NBEA: variants seen among roughly 807,000 people sequenced by gnomAD.
The protein encoded by NBEA is neurobeachin.
In NBEA, 44 loss-of-function variants were observed where a neutral mutation model predicts 343.4. The ratio of observed to expected loss-of-function variants is 0.13; its 90% CI spans 0.10 to 0.16. The LOEUF (loss-of-function observed/expected upper bound fraction) is 0.16, where lower values mean the gene tolerates loss of function less well. Ranked by LOEUF, NBEA falls within the 10% of genes least tolerant of loss-of-function variation. NBEA has a pLI of 1.00. For missense variants in NBEA, 2,555 were observed against 3,631.3 expected (o/e 0.70, Z 7.62); for synonymous variants, 1,175 against 1,238.7 (o/e 0.95, Z 1.08).
At chr13:35,103,269 A>G (rs1215024055) in intron 11 of NBEA, among the ~76,000 whole-genome samples, 1 of 151,778 alleles carries the variant, frequency 6.6e-6, no homozygotes, top group East Asian at 1.9e-4. Flanking sequence ...GTCCTTTAAG[A>G]TGGCTCATGT....
chr13:35,402,203 A>G (rs892204472), intron 38 of NBEA, among the ~76,000 whole-genome samples: 2 of 152,040 alleles, frequency 1.3e-5, no homozygotes, highest in Non-Finnish European at 2.9e-5. Flanking sequence ...ATACTTAAAA[A>G]GTTTAAATTA....
chr13:35,100,565 A>G (rs1028995544), intron 11 of NBEA, among the ~76,000 whole-genome samples: 2 of 152,004 alleles, frequency 1.3e-5, no homozygotes, highest in African/African-American at 4.8e-5. Flanking sequence ...TACCCCGTTA[A>G]ATAATTTGCT....
rs2064229167 is a variant in NBEA at position 35,078,653 on chromosome 13, C to T, written c.1571+7801C>T. On this transcript the variant is annotated intron_variant, in intron 10 of 58. Transcript: ENST00000379939. Reference sequence around the variant, plus strand: ...TAGGCAAGGATTTATAATCTTCTTACTGAGATGGAAAAGTCGGTAATTGGG... The same window carrying T: ...TAGGCAAGGATTTATAATCTTCTTATTGAGATGGAAAAGTCGGTAATTGGG... Among the ~76,000 whole-genome samples, 2 of 152,122 alleles carry T rather than the reference C, an allele frequency of 1.3e-5. 1 individual carries two copies. The highest frequency in any genetic ancestry group is 4.1e-4 in the South Asian group (2 of 4,830).
intron 30 of NBEA, among the ~76,000 whole-genome samples, chr13:35,188,317 A>T (rs1168034422): frequency 4.0e-5 from 6 of 151,182 alleles, no homozygotes; most frequent in Non-Finnish European, 7.4e-5. Flanking sequence ...CTGATACATT[A>T]TTAACTATAG....
At chr13:35,044,855 A>G (rs1039850557) in intron 2 of NBEA, 92 bp from the exon 3 acceptor site, 40 of 756,220 alleles carry the variant, frequency 5.3e-5, no homozygotes, top group Non-Finnish European at 4.3e-6. Flanking sequence ...GAGAGAGATA[A>G]CAATGATAAC....
chr13:35,211,312 A>T, intron 33 of NBEA, 133 bp downstream of exon 33: 1 of 805,930 alleles, frequency 1.2e-6, no homozygotes, highest in Non-Finnish European at 1.9e-6. Context: ...CACAATTCTG[A>T]TATTTTTGGC....
intron 35 of NBEA, among the ~76,000 whole-genome samples, chr13:35,305,059 A>G (rs1472397770): frequency 6.6e-6 from 1 of 152,170 alleles, no homozygotes; most frequent in Non-Finnish European, 1.5e-5. Context: ...CACTATAGCC[A>G]TATCACAGTT....
At chr13:34,966,349 G>A (rs2059820683) in intron 1 of NBEA, among the ~76,000 whole-genome samples, 1 of 151,974 alleles carries the variant, frequency 6.6e-6, no homozygotes, top group Non-Finnish European at 1.5e-5. Context: ...CTTCTGTAGC[G>A]AAGTATGTAT....
intron 10 of NBEA, among the ~76,000 whole-genome samples, chr13:35,085,898 A>T (rs1417594748): frequency 1.3e-5 from 2 of 152,182 alleles, no homozygotes; most frequent in African/African-American, 4.8e-5. Context: ...CAGGATACAA[A>T]ATCAATGTGC....
intron 8 of NBEA, among the ~76,000 whole-genome samples, chr13:35,067,043 T>C (rs1488430495): frequency 1.3e-5 from 2 of 152,144 alleles, no homozygotes; most frequent in African/African-American, 4.8e-5. Context: ...TAAATGTTAC[T>C]TCTATAGAGC....
chr13:35,485,536 C>T (rs2152969694), intron 41 of NBEA, among the ~76,000 whole-genome samples: 1 of 152,174 alleles, frequency 6.6e-6, no homozygotes, highest in Middle Eastern at 3.4e-3. Flanking sequence ...CATCGCAAAG[C>T]TTTTCGTAAA....
At chr13:35,151,403 C>T (rs1028272619) in intron 18 of NBEA, among the ~76,000 whole-genome samples, 4 of 151,558 alleles carry the variant, frequency 2.6e-5, no homozygotes, top group Non-Finnish European at 4.4e-5. Flanking sequence ...ATTAGCCAGG[C>T]GTGGTGGCGC....
chr13:34,968,012 G>A (rs1031980769), intron 1 of NBEA, among the ~76,000 whole-genome samples: 1 of 152,080 alleles, frequency 6.6e-6, no homozygotes, highest in African/African-American at 2.4e-5. Context: ...CACAAATTCA[G>A]AGGTTCCCAC....
intron 34 of NBEA, among the ~76,000 whole-genome samples, chr13:35,284,696 C>T (rs189131420): frequency 2.6e-5 from 4 of 152,180 alleles, no homozygotes; most frequent in Admixed American, 2.0e-4. Context: ...TAGAAAGCCA[C>T]ATGAATTGCT....
chr13:35,386,051 G>A (rs963152193), intron 38 of NBEA, among the ~76,000 whole-genome samples: 4 of 151,782 alleles, frequency 2.6e-5, no homozygotes, highest in African/African-American at 9.7e-5. Context: ...ATATATAATA[G>A]AAAACCTACA....
At chr13:35,272,061 C>T (rs1375469132) in intron 34 of NBEA, among the ~76,000 whole-genome samples, 2 of 152,148 alleles carry the variant, frequency 1.3e-5, no homozygotes, top group African/African-American at 4.8e-5. Context: ...TTGACAGAAT[C>T]ACCAAGGTTG....
chr13:35,107,014 T>C (rs2065952005), intron 11 of NBEA, among the ~76,000 whole-genome samples: 1 of 151,896 alleles, frequency 6.6e-6, no homozygotes, highest in Admixed American at 6.6e-5. Context: ...TATTCTATTT[T>C]AGAGTTTTAA....
intron 41 of NBEA, among the ~76,000 whole-genome samples, chr13:35,514,063 A>G (rs770813631): frequency 2.0e-5 from 3 of 151,908 alleles, no homozygotes; most frequent in Non-Finnish European, 4.4e-5. Context: ...CAACAATAAC[A>G]TACTCCTAAA....
At chr13:35,154,866 A>C (rs795389) in intron 18 of NBEA, among the ~76,000 whole-genome samples, 17 of 151,980 alleles carry the variant, frequency 1.1e-4, no homozygotes, top group African/African-American at 3.9e-4. Flanking sequence ...TGGCTCATGC[A>C]TTTAATCCCA....
Sources: allele counts gnomAD v4.1 joint callset (sites outside exome capture counted in the v4.1 genomes callset), GRCh38; gene constraint gnomAD v4.1.1; transcripts MANE v1.5; gene names NCBI Gene and HGNC (gene_info 2026-07-23, HGNC 2026-07-21).